The following SAMD8 variants were observed in gnomAD, a reference collection of about 807,000 sequenced individuals.
SAMD8 encodes sterile alpha motif domain containing 8, also known as sphingomyelin synthase-related protein 1.
In SAMD8, 20 loss-of-function variants were observed where a neutral mutation model predicts 42.0. The ratio of observed to expected loss-of-function variants is 0.48; its 90% CI spans 0.34 to 0.69. The LOEUF (loss-of-function observed/expected upper bound fraction) is 0.69. SAMD8 is among the 30% of genes least tolerant of loss of function. The pLI is 0.01. For missense variants in SAMD8, 328 were observed against 511.6 expected (o/e 0.64, Z 3.46); for synonymous variants, 162 against 173.0 (o/e 0.94, Z 0.50).
intron 3 of SAMD8, among the ~76,000 whole-genome samples, chr10:75,165,526 T>C (rs1170871213): frequency 6.6e-6 from 1 of 151,670 alleles, no homozygotes; most frequent in Non-Finnish European, 1.5e-5. Flanking sequence ...AAATATTAGC[T>C]GGGCATGGTG....
upstream of SAMD8, chr10:75,108,975 C>T: frequency 6.4e-7 from 1 of 1,570,028 alleles, no homozygotes; most frequent in East Asian, 2.3e-5. Flanking sequence ...CTCCACGTCC[C>T]CACCCCCATG....
intron 1 of SAMD8, among the ~76,000 whole-genome samples, chr10:75,136,406 A>G (rs190386169): frequency 2.6e-5 from 4 of 152,338 alleles, no homozygotes; most frequent in Non-Finnish European, 5.9e-5. Context: ...TTAGTTTCCC[A>G]GGAAGCTAAG....
rs1589983803 is a variant in SAMD8, at chr10:75,177,964, T to C, written c.*1272T>C. On this transcript the variant is annotated 3_prime_UTR_variant, in exon 6 of 6. Transcript: ENST00000542569. ...TGGAATTGGAATTTAAACTCCCAAC[T>C]AATGAGCTTAAGCTGCTTGGAATAT... 1 of 152,256 alleles carries C rather than the reference T, an allele frequency of 6.6e-6. No individual in the cohort carries two copies. Among genetic ancestry groups the C allele is most frequent in the African/African-American group, 2.4e-5 (1 of 41,476 alleles). The allele number at this position is 152,256 out of a possible 1,614,324, so 9.4% of individuals were successfully genotyped here.
chr10:75,124,119 G>C (rs1051852885), intron 1 of SAMD8, among the ~76,000 whole-genome samples: 3 of 151,918 alleles, frequency 2.0e-5, no homozygotes, highest in African/African-American at 7.3e-5. Flanking sequence ...GGATATATAT[G>C]GCAAAATAAA....
At chr10:75,112,027 A>G (rs975775101) in intron 1 of SAMD8, among the ~76,000 whole-genome samples, 3 of 152,078 alleles carry the variant, frequency 2.0e-5, no homozygotes, top group South Asian at 2.1e-4. Flanking sequence ...GCAGTGGGGG[A>G]AAAAGATCGA....
exon 1 of SAMD8, chr10:75,099,619 G>GA: frequency 9.0e-7 from 1 of 1,116,026 alleles, no homozygotes; most frequent in Non-Finnish European, 1.1e-6. Flanking sequence ...ACTGCAGTGG[G>GA]CCCTCCGGTC....
At position 75,116,677 on chromosome 10, in the gene SAMD8, A is replaced by G. The variant is rs1053057585; in HGVS notation, c.-16+4955A>G. Among the ~76,000 whole-genome samples, 91 of 152,222 alleles carry G rather than the reference A, an allele frequency of 6.0e-4. 1 individual carries two copies. The highest frequency in any genetic ancestry group is 1.6e-4 in the Non-Finnish European group (11 of 68,048). The stretch of plus-strand genomic sequence containing the variant: ...TTCCATCAATATAATATTAGCATGA[A>G]AGCCAGAGATTTCCAAAACCATACA... On this transcript the variant is annotated intron_variant, in intron 1 of 5. Transcript: ENST00000542569.
chr10:75,152,659 C>T (rs1840320256), intron 2 of SAMD8, among the ~76,000 whole-genome samples: 1 of 152,012 alleles, frequency 6.6e-6, no homozygotes, highest in South Asian at 2.1e-4. Flanking sequence ...TCAAGACTAG[C>T]CTACAAGTTC....
intron 1 of SAMD8, among the ~76,000 whole-genome samples, chr10:75,118,754 A>G (rs1042311523): frequency 6.6e-6 from 1 of 152,234 alleles, no homozygotes; most frequent in African/African-American, 2.4e-5. Context: ...ATAGTATGGA[A>G]AAAAGTTGGA....
chr10:75,148,660 C>T (rs972199789), intron 1 of SAMD8, among the ~76,000 whole-genome samples: 2 of 152,100 alleles, frequency 1.3e-5, no homozygotes, highest in Non-Finnish European at 2.9e-5. Flanking sequence ...GCCGCAGTAC[C>T]AGCTTTTAAC....
At chr10:75,145,928 G>A (rs1840120056) in intron 1 of SAMD8, among the ~76,000 whole-genome samples, 1 of 152,170 alleles carries the variant, frequency 6.6e-6, no homozygotes, top group Non-Finnish European at 1.5e-5. Flanking sequence ...TCATGTGAGT[G>A]CTGGGAATTC....
upstream of SAMD8, chr10:75,111,387 G>T (rs1298009899): frequency 2.5e-5 from 17 of 669,902 alleles, no homozygotes; most frequent in Non-Finnish European, 3.3e-5. Context: ...GCAGCATCTC[G>T]GTTCTCCTCT....
chr10:75,103,093 C>T (rs188011605), intron 1 of SAMD8, among the ~76,000 whole-genome samples: 1 of 152,324 alleles, frequency 6.6e-6, no homozygotes, highest in African/African-American at 2.4e-5. Context: ...GCACTCCAGC[C>T]TAAGCAACTG....
chr10:75,139,072 C>G (rs996356776), intron 1 of SAMD8, among the ~76,000 whole-genome samples: 1 of 151,744 alleles, frequency 6.6e-6, no homozygotes, highest in Non-Finnish European at 1.5e-5. Flanking sequence ...ACAATTCTCC[C>G]GCCTCAGCCT....
At chr10:75,130,037 T>A (rs1486233334) in intron 1 of SAMD8, among the ~76,000 whole-genome samples, 1 of 152,130 alleles carries the variant, frequency 6.6e-6, no homozygotes, top group Non-Finnish European at 1.5e-5. Context: ...GATATTATGG[T>A]TAATTTTCTT....
At chr10:75,139,232 G>A (rs562655813) in intron 1 of SAMD8, among the ~76,000 whole-genome samples, 3 of 152,042 alleles carry the variant, frequency 2.0e-5, no homozygotes, top group South Asian at 2.1e-4. Context: ...GCCTTCCAAC[G>A]TACTGGGATT....
At chr10:75,143,043 T>C (rs1840057033) in intron 1 of SAMD8, among the ~76,000 whole-genome samples, 1 of 150,556 alleles carries the variant, frequency 6.6e-6, no homozygotes, top group Non-Finnish European at 1.5e-5. Flanking sequence ...GCGCGGTGGC[T>C]CACGCCTGTA....
At chr10:75,112,634 C>CT (rs1355321337) in intron 1 of SAMD8, among the ~76,000 whole-genome samples, 1 of 152,052 alleles carries the variant, frequency 6.6e-6, no homozygotes, top group Non-Finnish European at 1.5e-5. Flanking sequence ...TAATGGTGTC[C>CT]TTTTTTTCAT....
chr10:75,172,854 G>A (rs757451412), intron 4 of SAMD8, among the ~76,000 whole-genome samples: 1 of 151,746 alleles, frequency 6.6e-6, no homozygotes, highest in Non-Finnish European at 1.5e-5. Flanking sequence ...GGCTGGTCTC[G>A]AGCTCCTGAC....
Sources: gnomAD v4.1 joint callset for allele counts (sites outside exome capture counted in the v4.1 genomes callset) on GRCh38, gnomAD v4.1.1 for gene constraint, MANE v1.5 for transcripts, NCBI Gene and HGNC (gene_info 2026-07-23, HGNC 2026-07-21) for gene names.